Variants in GNB1L observed in about 807,000 individuals in gnomAD.
The protein encoded by GNB1L is G protein subunit beta 1 like.
A neutral mutation model predicts 29.1 loss-of-function variants in GNB1L; 20 were observed. The ratio of observed to expected loss-of-function variants is 0.69; its 90% CI spans 0.48 to 1.00. The LOEUF is 1.00. Among genes scored for constraint, GNB1L ranks in the 50% least tolerant of loss-of-function variants. The pLI is 0.00. For synonymous variants in GNB1L, 193 were observed against 206.5 expected (o/e 0.93, Z 0.56); for missense variants, 421 against 464.9 (o/e 0.91, Z 0.87).
chr22:19,852,303 G>T, intron 2 of GNB1L: 2 of 1,561,302 alleles, frequency 1.3e-6, no homozygotes, highest in South Asian at 1.2e-5. Context: ...CAGCACTGGT[G>T]GGTGGTGGGG....
At position 19,805,377 on chromosome 22, in the gene GNB1L, C is replaced by T. The variant is rs578081606; in HGVS notation, c.516+1282G>A. 3.9e-3 allele frequency among the ~76,000 whole-genome samples: 590 copies of T among 152,358 alleles called. 8 individuals are homozygous for T. Among genetic ancestry groups the T allele is most frequent in the African/African-American group, 0.013 (560 of 41,588 alleles). On this transcript the variant is annotated intron_variant, in intron 6 of 7. Transcript: ENST00000329517. ...TGCAGGGCATGCAGATGCCCACAAACTGCACAGGCCCATCCGGTCTCGCTC... is the reference window on the plus strand; with the variant it reads ...TGCAGGGCATGCAGATGCCCACAAATTGCACAGGCCCATCCGGTCTCGCTC...
chr22:19,851,339 T>G, intron 2 of GNB1L: 1 of 1,614,106 alleles, frequency 6.2e-7, no homozygotes, highest in South Asian at 1.1e-5. Context: ...GGCAGGAGGA[T>G]TAGCTGACTC....
chr22:19,840,681 G>T (rs1004456323), intron 2 of GNB1L, among the ~76,000 whole-genome samples: 1 of 152,058 alleles, frequency 6.6e-6, no homozygotes, highest in African/African-American at 2.4e-5. Flanking sequence ...ATGGTGGCAC[G>T]TGCCTGTAAT....
At chr22:19,819,229 G>A (rs551695383) in intron 4 of GNB1L, among the ~76,000 whole-genome samples, 2 of 152,316 alleles carry the variant, frequency 1.3e-5, no homozygotes, top group East Asian at 1.9e-4. Flanking sequence ...TTATTCCTCC[G>A]CCACCTCCTG....
chr22:19,827,271 T>C (rs555433627), intron 2 of GNB1L, among the ~76,000 whole-genome samples: 1 of 152,158 alleles, frequency 6.6e-6, no homozygotes, highest in African/African-American at 2.4e-5. Context: ...CAAAAAAAAT[T>C]CTCTCTTAAT....
rs371038079 is a variant in GNB1L, at chr22:19,833,316, G to A, written c.-20-11941C>T. Among the ~76,000 whole-genome samples the A allele has an allele frequency of 1.9e-3, 285 of 152,302 alleles. 7 individuals carry two copies. The South Asian group carries it at 0.058, about 31-fold the overall frequency. Reference sequence around the variant, plus strand: ...TGGAGGGAAAAGACCTCTCAGCAGAGAAATAGAAATTATTTTTTAAAAAAC... The same window carrying A: ...TGGAGGGAAAAGACCTCTCAGCAGAAAAATAGAAATTATTTTTTAAAAAAC... On this transcript the variant is annotated intron_variant, in intron 2 of 7. Coordinates refer to ENST00000329517, the MANE Select transcript of GNB1L (RefSeq NM_053004.3).
At chr22:19,830,600 A>G (rs1255867453) in intron 2 of GNB1L, among the ~76,000 whole-genome samples, 5 of 152,240 alleles carry the variant, frequency 3.3e-5, no homozygotes, top group Non-Finnish European at 5.9e-5. Flanking sequence ...ACATCAACAT[A>G]AAGATGTCTC....
At chr22:19,850,692 G>A (rs1434207798) in intron 2 of GNB1L, 9 of 1,231,750 alleles carry the variant, frequency 7.3e-6, no homozygotes, top group Non-Finnish European at 8.1e-6. Context: ...GAAGTCACAG[G>A]GAGCAGAGAG....
intron 7 of GNB1L, among the ~76,000 whole-genome samples, chr22:19,798,539 C>T (rs576906371): frequency 2.0e-5 from 3 of 152,300 alleles, no homozygotes; most frequent in African/African-American, 7.2e-5. Context: ...GAGCCACAGG[C>T]GTGTGGGGAG....
At chr22:19,827,642 G>A (rs556517504) in intron 2 of GNB1L, among the ~76,000 whole-genome samples, 1 of 152,326 alleles carries the variant, frequency 6.6e-6, no homozygotes, top group South Asian at 2.1e-4. Context: ...AAACTACAAT[G>A]TGATATAATT....
At chr22:19,851,850 G>C in intron 2 of GNB1L, 1 of 1,613,924 alleles carries the variant, frequency 6.2e-7, no homozygotes, top group South Asian at 1.1e-5. Flanking sequence ...TCGCAGACAC[G>C]GCTGATGTTG....
intron 3 of GNB1L, among the ~76,000 whole-genome samples, 167 bp downstream of exon 3, chr22:19,821,061 C>G (rs1937574703): frequency 6.6e-6 from 1 of 152,180 alleles, no homozygotes; most frequent in African/African-American, 2.4e-5. Context: ...CTGCCTCCCC[C>G]AAGGGACAGT....
chr22:19,819,322 G>A (rs978925813), intron 4 of GNB1L, among the ~76,000 whole-genome samples: 2 of 152,260 alleles, frequency 1.3e-5, no homozygotes, highest in Non-Finnish European at 1.5e-5. Flanking sequence ...ACCCATGCAG[G>A]AGGATGGTGC....
chr22:19,851,794 G>T (rs764244158), intron 2 of GNB1L: 4 of 1,614,046 alleles, frequency 2.5e-6, no homozygotes, highest in Admixed American at 1.7e-5. Flanking sequence ...CATCAAGGTA[G>T]GGGGCTGCCC....
rs895536422 is a variant in GNB1L, at chr22:19,852,140, G to C, written c.-21+2303C>G. The C allele has an allele frequency of 4.3e-6, 7 of 1,614,042 alleles. No individual in the cohort carries two copies. In the East Asian group the frequency reaches 8.9e-5, roughly 21 times the overall value. The stretch of plus-strand genomic sequence containing the variant: ...CCGCTCAATCCAGGGATCCACAAGG[G>C]GGGTGTATGCCACCCCAGGAGACGC... On this transcript the variant is annotated intron_variant, in intron 2 of 7. Transcript: ENST00000329517.
chr22:19,833,807 C>T (rs1177747508), intron 2 of GNB1L, among the ~76,000 whole-genome samples: 5 of 151,468 alleles, frequency 3.3e-5, no homozygotes, highest in Non-Finnish European at 5.9e-5. Flanking sequence ...CGGAGGTTGC[C>T]GTGAGCCGAT....
chr22:19,821,225 C>G lies in GNB1L; in HGVS notation c.128+3G>C. Reference sequence around the variant, plus strand: ...GCCTGGGGCTGGGGCCACAGCTACTCACCCTGAGAAGAGGAGCGGGCGCCC... The same window carrying G: ...GCCTGGGGCTGGGGCCACAGCTACTGACCCTGAGAAGAGGAGCGGGCGCCC... On this transcript the variant is annotated splice_donor_region_variant and intron_variant, in intron 3 of 7. Coordinates refer to ENST00000329517, the MANE Select transcript of GNB1L (RefSeq NM_053004.3). 1 of 1,607,258 alleles carries G rather than the reference C, an allele frequency of 6.2e-7. No homozygotes were observed. Among genetic ancestry groups the G allele is most frequent in the Non-Finnish European group, 8.5e-7 (1 of 1,176,036 alleles).
intron 7 of GNB1L, among the ~76,000 whole-genome samples, chr22:19,799,001 C>A (rs1937338327): frequency 6.6e-6 from 1 of 151,912 alleles, no homozygotes; most frequent in African/African-American, 2.4e-5. Context: ...CCTTTGGCCT[C>A]CCTCCTGGCT....
rs185475604 is a variant in GNB1L at position 19,848,714 on chromosome 22, C to T, written c.-21+5729G>A. On this transcript the variant is annotated intron_variant, in intron 2 of 7. Transcript: ENST00000329517. ...GCTGCATGACTGGCCCTCAGACACA[C>T]GGCAGACCATAACTCACACACCCCC... 581 of 985,476 alleles carry T rather than the reference C, an allele frequency of 5.9e-4. 2 individuals are homozygous for T. Among genetic ancestry groups the T allele is most frequent in the African/African-American group, 3.5e-3 (199 of 57,356 alleles). 61.0% of individuals were successfully genotyped at this position (985,476 alleles called of 1,614,324 possible).
Sources: gnomAD v4.1 joint callset for allele counts (sites outside exome capture counted in the v4.1 genomes callset) on GRCh38, gnomAD v4.1.1 for gene constraint, MANE v1.5 for transcripts, NCBI Gene and HGNC (gene_info 2026-07-23, HGNC 2026-07-21) for gene names.